The following VAC14 variants were observed in gnomAD, a reference collection of about 807,000 sequenced individuals.
VAC14 encodes the protein protein VAC14 homolog.
A neutral mutation model predicts 85.3 loss-of-function variants in VAC14; 47 were observed. The observed-to-expected ratio is 0.55, with a 90% confidence interval of 0.44 to 0.70. The LOEUF is 0.70. VAC14 is among the 30% of genes least tolerant of loss of function. The probability of loss-of-function intolerance (pLI) is 0.00; values close to 1 mark genes in which losing one functional copy is unlikely to be tolerated. For missense variants in VAC14, 861 were observed against 1,004.3 expected, an observed-to-expected ratio of 0.86 and a Z score of 1.93; for synonymous variants, 447 against 430.5, an observed-to-expected ratio of 1.04 and a Z score of -0.47.
chr16:70,785,553 A>G, intron 3 of VAC14, 149 bp downstream of exon 3: 1 of 919,800 alleles, frequency 1.1e-6, no homozygotes, highest in Non-Finnish European at 1.6e-6. Flanking sequence ...ATTAAAAATG[A>G]TTAGATTCAA....
intron 12 of VAC14, among the ~76,000 whole-genome samples, chr16:70,748,749 C>T (rs1173088344): frequency 6.6e-6 from 1 of 152,146 alleles, no homozygotes; most frequent in Non-Finnish European, 1.5e-5. Context: ...GAATTCAAGA[C>T]CAGCCTGGCC....
intron 5 of VAC14, among the ~76,000 whole-genome samples, chr16:70,783,826 A>C (rs1349868878): frequency 1.3e-5 from 2 of 152,198 alleles, no homozygotes; most frequent in African/African-American, 4.8e-5. Context: ...AGAAAAAGTG[A>C]GATTGCTGGA....
chr16:70,787,532 C>CAGACTA (rs2034122540), intron 1 of VAC14, among the ~76,000 whole-genome samples: 1 of 152,146 alleles, frequency 6.6e-6, no homozygotes, highest in South Asian at 2.1e-4. Context: ...GGCTCCACAA[C>CAGACTA]AGACTAGTCT....
rs1329424887 is a variant in VAC14 at position 70,687,938 on chromosome 16, AC to A, written c.2338del (p.Val780LeufsTer20). 1 of 1,553,270 alleles carries A rather than the reference AC, an allele frequency of 6.4e-7. No individual in the cohort carries two copies. The highest frequency in any genetic ancestry group is 1.2e-5 in the South Asian group (1 of 83,834). ...SGRGDHLDRRVVL is the reference protein window; with the variant it reads ...SGRGDHLDRRXVL ...TCCGTGCCAGGCCTGTCAGAGGACAACCCTCCGGTCCAGGTGGTCCCCACGC... is the reference window on the plus strand; with the variant it reads ...TCCGTGCCAGGCCTGTCAGAGGACAACCTCCGGTCCAGGTGGTCCCCACGC... On this transcript the variant is annotated frameshift_variant, in exon 19 of 19. Coordinates refer to ENST00000261776, the MANE Select transcript of VAC14 (RefSeq NM_018052.5). LOFTEE classifies it high-confidence loss of function.
intron 16 of VAC14, chr16:70,695,874 G>T: frequency 2.5e-6 from 1 of 407,900 alleles, no homozygotes; most frequent in East Asian, 3.9e-5. Context: ...CGGGCTGGGA[G>T]AGGCTCTTAT....
chr16:70,723,075 G>T (rs2142999376), intron 14 of VAC14, among the ~76,000 whole-genome samples: 1 of 152,106 alleles, frequency 6.6e-6, no homozygotes, highest in Admixed American at 6.5e-5. Context: ...AATTAGCCAG[G>T]CATTACACAG....
intron 10 of VAC14, chr16:70,768,925 C>T (rs1251839842): frequency 4.7e-6 from 2 of 428,412 alleles, no homozygotes; most frequent in Admixed American, 5.2e-5. Context: ...TTCAGCCTCC[C>T]AAGTAGCTAG....
chr16:70,753,009 GGGGTGTGT>G (rs1485760506), intron 12 of VAC14, among the ~76,000 whole-genome samples: 2 of 136,670 alleles, frequency 1.5e-5, no homozygotes, highest in African/African-American at 3.0e-5. Context: ...GCAGGAGGAG[GGGGTGTGT>G]GTGTGTGTGT....
chr16:70,688,552 G>A (rs573930632), intron 18 of VAC14: 58 of 986,028 alleles, frequency 5.9e-5, no homozygotes, highest in African/African-American at 1.4e-4. Flanking sequence ...AGCCTCTGCC[G>A]GGCCCTCCAC....
chr16:70,745,585 C>CCTT (rs1308627415), intron 12 of VAC14, among the ~76,000 whole-genome samples: 2 of 152,142 alleles, frequency 1.3e-5, no homozygotes, highest in Non-Finnish European at 1.5e-5. Context: ...TTCCTGGCCA[C>CCTT]CTTCTGCTGG....
At chr16:70,768,165 CG>C (rs2032955526) in intron 10 of VAC14, among the ~76,000 whole-genome samples, 1 of 152,202 alleles carries the variant, frequency 6.6e-6, no homozygotes, top group Non-Finnish European at 1.5e-5. Flanking sequence ...GGACTACAGG[CG>C]TGAGCCACTG....
chr16:70,701,741 C>T (rs976903513), intron 14 of VAC14, among the ~76,000 whole-genome samples: 4 of 152,186 alleles, frequency 2.6e-5, no homozygotes, highest in Non-Finnish European at 5.9e-5. Flanking sequence ...CAAACCCAGC[C>T]CCTCACCTCG....
At chr16:70,727,537 G>T (rs945214244) in intron 14 of VAC14, among the ~76,000 whole-genome samples, 1 of 152,044 alleles carries the variant, frequency 6.6e-6, no homozygotes, top group Non-Finnish European at 1.5e-5. Flanking sequence ...ACGGGGTTTC[G>T]CTATGTTGGC....
rs1286177265 is a variant in VAC14, at chr16:70,786,288, G to A, written c.182C>T (p.Ala61Val). ...CCGGCTGTGGGGGTGCTGAGACAGG[G>A]CAAACTCCTGGGACAGGGTCTGGAT... ...HVIQTLSQEF[A>V]LSQHPHSRKG... The change falls in exon 2 of 19, where the codon GCC becomes GTC. Residue 61 changes from alanine (A) to valine (V), a missense_variant. Around this residue, in one of 3 missense-constraint regions of VAC14, gnomAD observed 629 missense variants for 703.1 expected, o/e 0.89. Coordinates refer to ENST00000261776, the MANE Select transcript of VAC14 (RefSeq NM_018052.5). 1.9e-6 allele frequency: 3 copies of A among 1,614,122 alleles called. No individual in the cohort carries two copies. Among genetic ancestry groups the A allele is most frequent in the Non-Finnish European group, 1.7e-6 (2 of 1,180,050 alleles).
intron 13 of VAC14, among the ~76,000 whole-genome samples, chr16:70,735,053 G>A (rs1381970639): frequency 1.3e-5 from 2 of 152,102 alleles, no homozygotes; most frequent in African/African-American, 4.8e-5. Context: ...GGCAGAAGAT[G>A]GCATAAAGAC....
intron 5 of VAC14, 25 bp from the exon 6 acceptor site, chr16:70,783,579 G>A (rs916790837): frequency 6.2e-7 from 1 of 1,607,590 alleles, no homozygotes; most frequent in Non-Finnish European, 8.5e-7. Flanking sequence ...GGAACAGGAG[G>A]GGAAGTCAGC....
Position 70,687,935 on chromosome 16 carries a change from A to G in VAC14, c.2342T>C (p.Val781Ala). The change falls in exon 19 of 19, where the codon GTC becomes GCC. Residue 781 changes from valine (V) to alanine (A), a missense_variant. Around this residue, in one of 3 missense-constraint regions of VAC14, gnomAD observed 163 missense variants for 162.2 expected, o/e 1.00. Coordinates refer to ENST00000261776, the MANE Select transcript of VAC14 (RefSeq NM_018052.5). ...TCCTCCGTGCCAGGCCTGTCAGAGGACAACCCTCCGGTCCAGGTGGTCCCC... is the reference window on the plus strand; with the variant it reads ...TCCTCCGTGCCAGGCCTGTCAGAGGGCAACCCTCCGGTCCAGGTGGTCCCC... The part of the protein sequence containing the change: ...GRGDHLDRRV[V>A]L 6.4e-7 allele frequency: 1 copy of G among 1,551,138 alleles called. No individual in the cohort carries two copies.
intron 14 of VAC14, among the ~76,000 whole-genome samples, chr16:70,718,068 T>G (rs776877710): frequency 1.3e-5 from 2 of 152,236 alleles, no homozygotes; most frequent in Non-Finnish European, 2.9e-5. Flanking sequence ...GAGGGAGCAG[T>G]TGGGCCAAGC....
intron 14 of VAC14, among the ~76,000 whole-genome samples, chr16:70,708,448 A>G: frequency 6.6e-6 from 1 of 152,084 alleles, no homozygotes; most frequent in East Asian, 1.9e-4. Flanking sequence ...CTTCAGAGTC[A>G]GGTGGGTTCT....
Sources: allele counts gnomAD v4.1 joint callset (sites outside exome capture counted in the v4.1 genomes callset), GRCh38; gene constraint gnomAD v4.1.1; regional missense constraint gnomAD v4.1.1; transcripts MANE v1.5; gene names NCBI Gene and HGNC (gene_info 2026-07-23, HGNC 2026-07-21).